The following UNC13C variants were observed in gnomAD, a reference collection of about 807,000 sequenced individuals.
UNC13C encodes unc-13 homolog C.
UNC13C carries 174 observed loss-of-function variants against 245.4 expected under a neutral mutation model. The observed-to-expected ratio is 0.71, with a 90% CI of 0.63 to 0.80. UNC13C has a LOEUF of 0.80. UNC13C is among the 30% of genes least tolerant of loss of function. The pLI is 0.00. For missense variants in UNC13C, 2,829 were observed against 2,602.9 expected, an observed-to-expected ratio of 1.09 and a Z score of -1.89; for synonymous variants, 992 against 895.1, an observed-to-expected ratio of 1.11 and a Z score of -1.93.
chr15:53,985,150 A>G (rs1367176751), intron 1 of UNC13C, among the ~76,000 whole-genome samples: 1 of 151,160 alleles, frequency 6.6e-6, no homozygotes, highest in African/African-American at 2.4e-5. Flanking sequence ...CTCTGTGTCC[A>G]TGTGTTCTCA....
At chr15:54,608,144 A>C (rs914978679) in intron 30 of UNC13C, among the ~76,000 whole-genome samples, 3 of 152,222 alleles carry the variant, frequency 2.0e-5, no homozygotes, top group African/African-American at 4.8e-5. Context: ...CCAAAAAAAA[A>C]CACTTATATT....
chr15:54,242,719 A>G (rs980434315), intron 7 of UNC13C, among the ~76,000 whole-genome samples: 1 of 152,052 alleles, frequency 6.6e-6, no homozygotes, highest in African/African-American at 2.4e-5. Flanking sequence ...TATTGCATAT[A>G]CACAAAGTAA....
intron 4 of UNC13C, among the ~76,000 whole-genome samples, chr15:54,220,932 G>C (rs1349563873): frequency 1.3e-5 from 2 of 151,870 alleles, no homozygotes; most frequent in African/African-American, 4.8e-5. Context: ...AGACAATAAT[G>C]GTGTATTATT....
intron 1 of UNC13C, among the ~76,000 whole-genome samples, chr15:54,001,693 A>C (rs1159652481): frequency 3.3e-5 from 5 of 152,214 alleles, no homozygotes; most frequent in Non-Finnish European, 7.3e-5. Flanking sequence ...TCATTATAGC[A>C]ATATGAGGAA....
the UNC13C span, among the ~76,000 whole-genome samples, chr15:53,969,050 T>C: frequency 6.6e-6 from 1 of 152,178 alleles, no homozygotes; most frequent in Admixed American, 6.6e-5. Flanking sequence ...CTCTGTTTTA[T>C]AGGATAAAGA....
chr15:54,000,308 A>C (rs549349551), intron 1 of UNC13C, among the ~76,000 whole-genome samples: 1 of 152,238 alleles, frequency 6.6e-6, no homozygotes, highest in African/African-American at 2.4e-5. Context: ...AAGCAAGTCA[A>C]GTAACCTCTC....
Position 54,264,246 on chromosome 15 carries a change from A to C in UNC13C, c.3527A>C (p.Lys1176Thr). 1.3e-6 allele frequency: 2 copies of C among 1,597,894 alleles called. No homozygotes were observed. The highest frequency in any genetic ancestry group is 1.1e-5 in the South Asian group (1 of 87,782). Residue 1176 changes from lysine (K) to threonine (T), a missense_variant, in exon 9 of 33, where the codon AAG becomes ACG. By Grantham distance (78) the Lys-to-Thr change is moderately conservative. Transcript: ENST00000260323. ...TIITAMKERMKIREKNRPEVF... is the reference protein window; with the variant it reads ...TIITAMKERMTIREKNRPEVF... ...ATTACAGCAATGAAAGAAAGAATGA[A>C]GATCAGGGAGAAAAACCGGCCAGAA...
At chr15:54,551,145 A>C (rs1187879144) in intron 28 of UNC13C, among the ~76,000 whole-genome samples, 1 of 152,024 alleles carries the variant, frequency 6.6e-6, no homozygotes, top group Non-Finnish European at 1.5e-5. Flanking sequence ...ATTTTACAGG[A>C]CCCAGATACT....
chr15:54,094,285 C>A lies in UNC13C; in HGVS notation c.2984-48733C>A, dbSNP rs140963498. On this transcript the variant is annotated intron_variant, in intron 2 of 32. Transcript: ENST00000260323. ...TCTACATGGTAGTTTGACAGCACTC[C>A]CAGCCTCTCCTGACTCCCTTCTTAT... Among the ~76,000 whole-genome samples the A allele has an allele frequency of 7.2e-3, 1,100 of 152,272 alleles. 16 individuals carry two copies. The highest frequency in any genetic ancestry group is 0.026 in the African/African-American group (1,060 of 41,548).
At position 54,544,824 on chromosome 15, in the gene UNC13C, C is replaced by A. The variant is rs147740592; in HGVS notation, c.5697-1898C>A. Among the ~76,000 whole-genome samples, 531 of 152,298 alleles carry A rather than the reference C, an allele frequency of 3.5e-3. 3 individuals carry two copies. The highest frequency in any genetic ancestry group is 0.012 in the African/African-American group (495 of 41,558). On this transcript the variant is annotated intron_variant, in intron 26 of 32. Transcript: ENST00000260323. ...GACACAAACAAATGGAAATAAATTT[C>A]ATGTTCATGGATAGGAAGAATCAAT...
intron 7 of UNC13C, among the ~76,000 whole-genome samples, chr15:54,246,295 A>G (rs552074387): frequency 6.6e-6 from 1 of 152,282 alleles, no homozygotes; most frequent in African/African-American, 2.4e-5. Context: ...GCTTGCCTAC[A>G]AAGGCTTATC....
At chr15:54,134,170 T>C (rs2031597880) in intron 2 of UNC13C, among the ~76,000 whole-genome samples, 1 of 152,002 alleles carries the variant, frequency 6.6e-6, no homozygotes, top group African/African-American at 2.4e-5. Context: ...CCCCAGAATT[T>C]ATTCATCTTA....
At chr15:54,560,516 T>C (rs1373230608) in intron 29 of UNC13C, among the ~76,000 whole-genome samples, 3 of 151,666 alleles carry the variant, frequency 2.0e-5, no homozygotes, top group East Asian at 3.9e-4. Flanking sequence ...AAAAAGAAAA[T>C]CTAGTTATTT....
At chr15:54,019,848 GT>G (rs1312444474) in intron 2 of UNC13C, among the ~76,000 whole-genome samples, 3 of 152,086 alleles carry the variant, frequency 2.0e-5, no homozygotes, top group Non-Finnish European at 4.4e-5. Context: ...TGTAGTAGTT[GT>G]TCCTGGGATG....
chr15:54,201,941 G>C (rs2034537688), intron 4 of UNC13C, among the ~76,000 whole-genome samples: 1 of 151,888 alleles, frequency 6.6e-6, no homozygotes, highest in African/African-American at 2.4e-5. Flanking sequence ...AAAGCTTCTA[G>C]AACTGGTAAA....
rs117383253 is a variant in UNC13C, at chr15:54,435,338, C to T, written c.4933+20271C>T. The stretch of plus-strand genomic sequence containing the variant: ...AAGACTTGGAACCAACCCAAATCCC[C>T]ATCAGATAAACTGGATAAAGAAAAT... On this transcript the variant is annotated intron_variant, in intron 19 of 32. Transcript: ENST00000260323. Among the ~76,000 whole-genome samples the T allele has an allele frequency of 8.0e-3, 1,214 of 151,890 alleles. 9 individuals are homozygous for T. Among genetic ancestry groups the T allele is most frequent in the Non-Finnish European group, 0.013 (878 of 67,858 alleles).
At chr15:54,070,628 A>G (rs567751517) in intron 2 of UNC13C, among the ~76,000 whole-genome samples, 16 of 152,046 alleles carry the variant, frequency 1.1e-4, no homozygotes, top group Non-Finnish European at 1.9e-4. Flanking sequence ...TCTGTTTTGT[A>G]TCAAATTTTT....
intron 4 of UNC13C, among the ~76,000 whole-genome samples, chr15:54,194,856 A>C (rs2141333064): frequency 6.6e-6 from 1 of 152,320 alleles, no homozygotes; most frequent in South Asian, 2.1e-4. Context: ...TTTTGAAAGC[A>C]GCATTAAACA....
intron 2 of UNC13C, among the ~76,000 whole-genome samples, chr15:54,047,538 C>T (rs1479939236): frequency 1.3e-5 from 2 of 152,048 alleles, no homozygotes; most frequent in East Asian, 3.9e-4. Flanking sequence ...TGTCACTAAG[C>T]ATAGGTTTTC....
Sources: allele counts gnomAD v4.1 joint callset (sites outside exome capture counted in the v4.1 genomes callset), GRCh38; gene constraint gnomAD v4.1.1; transcripts MANE v1.5; gene names NCBI Gene and HGNC (gene_info 2026-07-23, HGNC 2026-07-21).